Variants in ADCY3 observed in about 807,000 individuals in gnomAD.
ADCY3 encodes the protein adenylate cyclase 3.
ADCY3 carries 70 observed loss-of-function variants against 119.4 expected under a neutral mutation model. The ratio of observed to expected loss-of-function variants is 0.59; its 90% CI spans 0.48 to 0.72. The LOEUF (loss-of-function observed/expected upper bound fraction) is 0.72, where lower values mean the gene tolerates loss of function less well. ADCY3 is among the 30% of genes least tolerant of loss of function. The pLI is 0.00. For missense variants in ADCY3, 1,238 were observed against 1,541.6 expected (o/e 0.80, Z 3.30); for synonymous variants, 672 against 621.4 (o/e 1.08, Z -1.21).
intron 2 of ADCY3, among the ~76,000 whole-genome samples, chr2:24,887,129 A>G (rs1677119830): frequency 6.6e-6 from 1 of 152,200 alleles, no homozygotes; most frequent in Non-Finnish European, 1.5e-5. Flanking sequence ...GGAAATTTAC[A>G]ATCATGGCGA....
Position 24,872,740 on chromosome 2 carries a change from G to A in ADCY3, c.676-21C>T. On this transcript the variant is annotated intron_variant, in intron 2 of 21. Transcript: ENST00000679454. This position sits in a 1 kb window ranked among gnomAD's most constrained non-coding sequence, Gnocchi z 4.4. ...AGGATCTGCACCCCAAGGAAGAAGA[G>A]AGAAAAGGCCAGGGGTGAAGGCACG... The A allele has an allele frequency of 5.0e-6, 8 of 1,610,792 alleles. No homozygotes were observed. The Middle Eastern group carries it at 8.3e-4, about 167-fold the overall frequency.
chr2:24,871,194 C>A, intron 3 of ADCY3, among the ~76,000 whole-genome samples: 1 of 150,510 alleles, frequency 6.6e-6, no homozygotes, highest in African/African-American at 2.5e-5. Context: ...AGATCAGATA[C>A]AAACAAGAAA....
intron 6 of ADCY3, chr2:24,840,691 G>A (rs1244741074): frequency 8.2e-6 from 3 of 366,980 alleles, no homozygotes; most frequent in South Asian, 4.2e-5. Flanking sequence ...TCAACCAGAG[G>A]GACTGCCCAT....
intron 12 of ADCY3, 140 bp from the exon 13 acceptor site, chr2:24,830,965 C>G: frequency 1.5e-6 from 1 of 664,278 alleles, no homozygotes. Context: ...CACCTGACAG[C>G]TGACCAAGGG....
At chr2:24,916,604 C>G (rs1377409038) in intron 2 of ADCY3, among the ~76,000 whole-genome samples, 4 of 152,184 alleles carry the variant, frequency 2.6e-5, no homozygotes. Flanking sequence ...ATAGCTTGAA[C>G]CTGGGAGGCG....
At chr2:24,848,939 C>A (rs1671965653) in intron 3 of ADCY3, among the ~76,000 whole-genome samples, 1 of 152,176 alleles carries the variant, frequency 6.6e-6, no homozygotes, top group Admixed American at 6.5e-5. Context: ...AAGGGCCCTG[C>A]CTTCCATTTG....
At chr2:24,912,667 C>T (rs530640947) in intron 2 of ADCY3, among the ~76,000 whole-genome samples, 1 of 152,096 alleles carries the variant, frequency 6.6e-6, no homozygotes, top group East Asian at 1.9e-4. Flanking sequence ...CCACCCCTGG[C>T]CCAGCCCTGG....
intron 2 of ADCY3, among the ~76,000 whole-genome samples, chr2:24,877,398 C>G (rs926495453): frequency 6.6e-6 from 1 of 152,186 alleles, no homozygotes; most frequent in Admixed American, 6.5e-5. Flanking sequence ...CTGCTTCTAG[C>G]CTTCCAGTGA....
intron 2 of ADCY3, among the ~76,000 whole-genome samples, chr2:24,901,492 T>C (rs1678896301): frequency 1.3e-5 from 2 of 152,302 alleles, no homozygotes; most frequent in African/African-American, 4.8e-5. Context: ...GAAATTGCTG[T>C]TGAATTCAAG....
intron 18 of ADCY3, 109 bp from the exon 19 acceptor site, chr2:24,822,739 T>C: frequency 2.1e-6 from 3 of 1,423,110 alleles, no homozygotes; most frequent in Non-Finnish European, 1.9e-6. Flanking sequence ...CAAGAGACAC[T>C]TTCCTATCAA....
At chr2:24,876,356 G>C (rs528277967) in intron 2 of ADCY3, among the ~76,000 whole-genome samples, 16 of 152,260 alleles carry the variant, frequency 1.1e-4, no homozygotes, top group African/African-American at 1.4e-4. Context: ...TTAGGTGTGA[G>C]CTGCACGCAT....
intron 3 of ADCY3, among the ~76,000 whole-genome samples, chr2:24,851,128 G>C (rs1672242949): frequency 6.6e-6 from 1 of 152,158 alleles, no homozygotes; most frequent in Non-Finnish European, 1.5e-5. Flanking sequence ...TTCTCTGGAA[G>C]GACCACAGTT....
At chr2:24,821,144 C>A (rs766618957) in intron 20 of ADCY3, 3 of 436,518 alleles carry the variant, frequency 6.9e-6, no homozygotes, top group African/African-American at 4.0e-5. Flanking sequence ...AGGAATGATA[C>A]CCCCTCAGTA....
chr2:24,876,936 T>C (rs1675784049), intron 2 of ADCY3, among the ~76,000 whole-genome samples: 1 of 152,160 alleles, frequency 6.6e-6, no homozygotes, highest in Non-Finnish European at 1.5e-5. Flanking sequence ...GACCTTCCTT[T>C]TTAGAACTCT....
chr2:24,916,080 A>C (rs183464698), intron 2 of ADCY3, among the ~76,000 whole-genome samples: 3 of 152,280 alleles, frequency 2.0e-5, no homozygotes, highest in African/African-American at 7.2e-5. Context: ...GCTGCCTCCC[A>C]GGCACTGCTT....
intron 7 of ADCY3, chr2:24,838,880 CAGG>C: frequency 6.3e-7 from 1 of 1,593,856 alleles, no homozygotes; most frequent in Non-Finnish European, 8.6e-7. Flanking sequence ...AGCCACGACA[CAGG>C]AGTACAATCT....
At chr2:24,820,597 C>T in intron 21 of ADCY3, 127 bp downstream of exon 21, 2 of 1,492,878 alleles carry the variant, frequency 1.3e-6, no homozygotes, top group Non-Finnish European at 1.8e-6. Flanking sequence ...TCCACTTGCC[C>T]CACGTCTCTG....
intron 2 of ADCY3, among the ~76,000 whole-genome samples, chr2:24,897,600 C>T (rs1324766967): frequency 1.3e-5 from 2 of 152,194 alleles, no homozygotes; most frequent in Admixed American, 6.5e-5. Flanking sequence ...TCTACCATCA[C>T]GATGTCACAT....
chr2:24,830,880 G>T (rs569087382), intron 12 of ADCY3, 55 bp from the exon 13 acceptor site: 3 of 1,379,684 alleles, frequency 2.2e-6, no homozygotes, highest in Admixed American at 3.5e-5. Context: ...TTTCTCCTGC[G>T]ACGTGACTGA....
Sources: gnomAD v4.1 joint callset for allele counts (sites outside exome capture counted in the v4.1 genomes callset) on GRCh38, gnomAD v4.1.1 for gene constraint, Gnocchi (gnomAD v3.1) non-coding constraint, MANE v1.5 for transcripts, NCBI Gene and HGNC (gene_info 2026-07-23, HGNC 2026-07-21) for gene names.